CACNA2D1: variants seen among roughly 807,000 people sequenced by gnomAD.
CACNA2D1 encodes the protein voltage-dependent calcium channel subunit alpha-2/delta-1.
CACNA2D1 carries 53 observed loss-of-function variants against 171.5 expected under a neutral mutation model. The ratio of observed to expected loss-of-function variants is 0.31; its 90% CI spans 0.25 to 0.39. CACNA2D1 has a LOEUF of 0.39. Among genes scored for constraint, CACNA2D1 ranks in the 10% least tolerant of loss-of-function variants. The probability of loss-of-function intolerance (pLI) is 1.00; values close to 1 mark genes in which losing one functional copy is unlikely to be tolerated. For synonymous variants in CACNA2D1, 442 were observed against 443.1 expected (o/e 1.00, Z 0.03); for missense variants, 903 against 1,299.8 (o/e 0.69, Z 4.69).
chr7:81,967,885 A>C (rs1274104062), intron 29 of CACNA2D1, among the ~76,000 whole-genome samples: 1 of 151,496 alleles, frequency 6.6e-6, no homozygotes, highest in Non-Finnish European at 1.5e-5. Flanking sequence ...CCAATTAACT[A>C]ATACAATAAG....
At position 81,967,682 on chromosome 7, in the gene CACNA2D1, T is replaced by G. The variant is rs1177481665; in HGVS notation, c.2396-19A>C. ...CCAACAACTGAAAAATTAATTTGAA[T>G]TAATTCAAAGGTATAATTAGATGTA... On this transcript the variant is annotated intron_variant, in intron 29 of 38. Transcript: ENST00000356860. 1 of 1,183,356 alleles carries G rather than the reference T, an allele frequency of 8.5e-7. No individual in the cohort carries two copies. Among genetic ancestry groups the G allele is most frequent in the South Asian group, 1.3e-5 (1 of 78,074 alleles). The allele number at this position is 1,183,356 out of a possible 1,614,324, so 73.3% of individuals were successfully genotyped here.
chr7:82,007,630 G>A (rs748183120), intron 16 of CACNA2D1, 49 bp downstream of exon 16: 13 of 953,724 alleles, frequency 1.4e-5, no homozygotes, highest in East Asian at 7.8e-5. Flanking sequence ...GAGCTTCAAC[G>A]TCACAGTTTG....
Position 82,435,782 on chromosome 7 carries a change from G to T in CACNA2D1, c.95+7583C>A, listed in dbSNP as rs1412500415. On this transcript the variant is annotated intron_variant, in intron 1 of 38. Transcript: ENST00000356860. The stretch of plus-strand genomic sequence containing the variant: ...TTTAAAAATCTCAACAGCAACACAG[G>T]ATAGAAGACCAAATTTGTGTTGGTA... 2.6e-5 allele frequency among the ~76,000 whole-genome samples: 4 copies of T among 151,894 alleles called. No homozygotes were observed. The East Asian group carries it at 7.7e-4, about 29-fold the overall frequency.
Position 81,969,924 on chromosome 7 carries a change from G to T in CACNA2D1, c.2265C>A (p.Ser755Arg). The T allele has an allele frequency of 6.2e-7, 1 of 1,608,004 alleles. No homozygotes were observed. The highest frequency in any genetic ancestry group is 8.5e-7 in the Non-Finnish European group (1 of 1,175,460). The change falls in exon 28 of 39, where the codon AGC (serine) becomes AGA (arginine). Residue 755 changes from serine to arginine, a missense_variant. Physicochemically the swap from Ser to Arg is moderately radical, Grantham distance 110 (BLOSUM62 -1). Coordinates refer to ENST00000356860, the MANE Select transcript of CACNA2D1 (RefSeq NM_000722.4). The part of the protein sequence containing the change: ...ETYEDSFYKR[S>R]LDNDNYVFTA... ...TGAAAACATAGTTATCATTATCTAG[G>T]CTCCTTTTATAGAAGCTGTCCTCAT...
chr7:82,139,155 A>G (rs2129083918), intron 4 of CACNA2D1, among the ~76,000 whole-genome samples: 1 of 152,310 alleles, frequency 6.6e-6, no homozygotes, highest in East Asian at 1.9e-4. Context: ...AAAATAATGG[A>G]TACAAATCAG....
chr7:82,369,914 TTGTAA>T (rs1822189630), intron 1 of CACNA2D1, among the ~76,000 whole-genome samples: 2 of 152,080 alleles, frequency 1.3e-5, no homozygotes. Flanking sequence ...TATTTTCAAC[TTGTAA>T]TGTAATCCTG....
intron 1 of CACNA2D1, 62 bp from the exon 2 acceptor site, chr7:82,349,711 A>C: frequency 8.2e-7 from 1 of 1,214,044 alleles, no homozygotes; most frequent in Non-Finnish European, 1.2e-6. Flanking sequence ...TCACATGCTG[A>C]TATTTTATAT....
intron 15 of CACNA2D1, among the ~76,000 whole-genome samples, chr7:82,011,872 TTGA>T (rs1187008125): frequency 6.6e-6 from 1 of 152,026 alleles, no homozygotes; most frequent in Non-Finnish European, 1.5e-5. Flanking sequence ...AAAAAACTTA[TTGA>T]AATGCCCATG....
At chr7:82,196,803 T>C (rs1023599285) in intron 3 of CACNA2D1, among the ~76,000 whole-genome samples, 1 of 151,544 alleles carries the variant, frequency 6.6e-6, no homozygotes, top group African/African-American at 2.4e-5. Flanking sequence ...CTGAGGTAGT[T>C]CTCATCTGGT....
chr7:82,055,932 A>G lies in CACNA2D1; in HGVS notation c.879+4496T>C, dbSNP rs188394250. On this transcript the variant is annotated intron_variant, in intron 10 of 38. Transcript: ENST00000356860. ...GTATAATAAATATGTGTGTGTGTGT[A>G]TATATATATATATATAATTTTTTAA... is the stretch of plus-strand genomic sequence containing the variant. Among the ~76,000 whole-genome samples, 399 of 130,958 alleles carry G rather than the reference A, an allele frequency of 3.0e-3. 6 individuals are homozygous for G. The highest frequency in any genetic ancestry group is 0.012 in the African/African-American group (386 of 32,526). The allele number at this position is 130,958 out of a possible 152,430, so 85.9% of individuals were successfully genotyped here.
At chr7:82,370,323 A>G (rs976584622) in intron 1 of CACNA2D1, among the ~76,000 whole-genome samples, 1 of 152,032 alleles carries the variant, frequency 6.6e-6, no homozygotes, top group East Asian at 1.9e-4. Flanking sequence ...AACCAAGGTT[A>G]AGTATGAAAT....
At chr7:82,369,144 A>G (rs1474841885) in intron 1 of CACNA2D1, among the ~76,000 whole-genome samples, 5 of 152,104 alleles carry the variant, frequency 3.3e-5, no homozygotes, top group Non-Finnish European at 5.9e-5. Flanking sequence ...ATTTACATAC[A>G]ATTATCAAAA....
chr7:82,197,495 A>G (rs75077562), intron 3 of CACNA2D1, among the ~76,000 whole-genome samples: 1 of 152,026 alleles, frequency 6.6e-6, no homozygotes, highest in Admixed American at 6.6e-5. Flanking sequence ...ACAGGCATAT[A>G]ATTTTCTAGT....
At chr7:82,013,431 ATAATT>A (rs1800040849) in intron 14 of CACNA2D1, 25 bp downstream of exon 14, 1 of 984,428 alleles carries the variant, frequency 1.0e-6, no homozygotes, top group Non-Finnish European at 1.4e-6. Flanking sequence ...CTTGAAAAAA[ATAATT>A]TAAACAAGTT....
chr7:82,037,669 C>G (rs1803469020), intron 11 of CACNA2D1, among the ~76,000 whole-genome samples: 1 of 152,008 alleles, frequency 6.6e-6, no homozygotes, highest in Non-Finnish European at 1.5e-5. Flanking sequence ...TTTAAAGACC[C>G]AAACTAGATG....
At chr7:82,246,969 C>A (rs75055747) in intron 3 of CACNA2D1, among the ~76,000 whole-genome samples, 1 of 152,044 alleles carries the variant, frequency 6.6e-6, no homozygotes, top group Non-Finnish European at 1.5e-5. Context: ...TGCTTATCCA[C>A]CAGTCTCCAG....
intron 3 of CACNA2D1, among the ~76,000 whole-genome samples, chr7:82,304,834 G>A (rs1813510429): frequency 1.3e-5 from 2 of 152,074 alleles, no homozygotes; most frequent in Admixed American, 6.6e-5. Context: ...TAACAACAAT[G>A]TATTGTATAT....
At position 81,964,097 on chromosome 7, in the gene CACNA2D1, T is replaced by C; in HGVS notation, c.2739A>G (p.Ala913=). ...GHRSAYVPSV[A]DILQIGWWAT... ...CCCACCAGCCAATTTGTAATATGTC[T>C]GCTACTGATGGCTATAAAATAAAAT... The change falls in exon 34 of 39, where the codon GCA becomes GCG. Residue 913 remains alanine (A), a synonymous_variant. Coordinates refer to ENST00000356860, the MANE Select transcript of CACNA2D1 (RefSeq NM_000722.4). 6.2e-7 allele frequency: 1 copy of C among 1,612,232 alleles called. No individual in the cohort carries two copies.
At chr7:82,093,520 C>T (rs1201198452) in intron 6 of CACNA2D1, among the ~76,000 whole-genome samples, 1 of 152,116 alleles carries the variant, frequency 6.6e-6, no homozygotes, top group African/African-American at 2.4e-5. Context: ...AACAACACTA[C>T]TTAATTTTCT....
Sources: allele counts gnomAD v4.1 joint callset (sites outside exome capture counted in the v4.1 genomes callset), GRCh38; gene constraint gnomAD v4.1.1; transcripts MANE v1.5; gene names NCBI Gene and HGNC (gene_info 2026-07-23, HGNC 2026-07-21).